The following RASGRF1 variants were observed in gnomAD, a reference collection of about 807,000 sequenced individuals.
The protein encoded by RASGRF1 is ras-specific guanine nucleotide-releasing factor 1.
Under a neutral mutation model 138.7 loss-of-function variants are expected in RASGRF1, and 40 were observed. That is an observed-to-expected ratio of 0.29 (90% CI 0.22 to 0.38). The LOEUF (loss-of-function observed/expected upper bound fraction) is 0.38. RASGRF1 is among the 10% of genes least tolerant of loss of function. The pLI is 1.00. For missense variants in RASGRF1, 1,108 were observed against 1,650.4 expected, an observed-to-expected ratio of 0.67 and a Z score of 5.69; for synonymous variants, 614 against 663.2, an observed-to-expected ratio of 0.93 and a Z score of 1.14.
At chr15:79,048,402 G>A (rs144581925) in intron 4 of RASGRF1, among the ~76,000 whole-genome samples, 1 of 152,250 alleles carries the variant, frequency 6.6e-6, no homozygotes, top group East Asian at 1.9e-4. Flanking sequence ...TGGCCGCCAG[G>A]GTTTGAATGT....
chr15:79,062,719 T>G (rs1485473823), intron 2 of RASGRF1, among the ~76,000 whole-genome samples: 1 of 152,008 alleles, frequency 6.6e-6, no homozygotes, highest in Non-Finnish European at 1.5e-5. Context: ...AATTTTTGTA[T>G]TTTTAGTAGA....
At chr15:79,061,504 T>A (rs1450958092) in intron 2 of RASGRF1, among the ~76,000 whole-genome samples, 2 of 150,368 alleles carry the variant, frequency 1.3e-5, no homozygotes, top group East Asian at 1.9e-4. Flanking sequence ...GTTTGATCAG[T>A]TTTGATAAAC....
chr15:78,962,607 G>T (rs2141579635), intron 26 of RASGRF1, among the ~76,000 whole-genome samples: 1 of 152,322 alleles, frequency 6.6e-6, no homozygotes, highest in African/African-American at 2.4e-5. Context: ...ATAAGGCTGG[G>T]CGTGGTGGCT....
chr15:79,061,981 G>C (rs1395946808), intron 2 of RASGRF1, among the ~76,000 whole-genome samples: 1 of 152,156 alleles, frequency 6.6e-6, no homozygotes, highest in African/African-American at 2.4e-5. Flanking sequence ...CAACTGCCTT[G>C]CAATTTTCCA....
chr15:79,060,306 A>AGG (rs1384111974), intron 2 of RASGRF1, among the ~76,000 whole-genome samples: 3 of 152,202 alleles, frequency 2.0e-5, no homozygotes, highest in Admixed American at 1.3e-4. Context: ...CCCAGACCCC[A>AGG]GGGCTTGACA....
In RASGRF1 at chr15:79,003,312, T is replaced by C. The variant is rs572707208; in HGVS notation, c.2449+490A>G. Among the ~76,000 whole-genome samples, 58 of 152,352 alleles carry C rather than the reference T, an allele frequency of 3.8e-4. No homozygotes were observed. The South Asian group carries it at 7.0e-3, about 18-fold the overall frequency. ...GTTCCCACCCCAACCTCTGTGCCCCTGGAGCATCCTCCTGACACAAGCCAT... is the reference window on the plus strand; with the variant it reads ...GTTCCCACCCCAACCTCTGTGCCCCCGGAGCATCCTCCTGACACAAGCCAT... On this transcript the variant is annotated intron_variant, in intron 15 of 26. Transcript: ENST00000558480.
intron 26 of RASGRF1, among the ~76,000 whole-genome samples, chr15:78,965,604 A>T (rs1167995638): frequency 6.6e-6 from 1 of 152,198 alleles, no homozygotes; most frequent in African/African-American, 2.4e-5. Context: ...TAATCCCAGC[A>T]CTTTGGGAGG....
At chr15:79,054,959 T>C (rs1038306088) in intron 3 of RASGRF1, among the ~76,000 whole-genome samples, 1 of 152,098 alleles carries the variant, frequency 6.6e-6, no homozygotes, top group Non-Finnish European at 1.5e-5. Context: ...TATTTGGCCA[T>C]CAGAAGAGAG....
intron 3 of RASGRF1, among the ~76,000 whole-genome samples, chr15:79,049,926 G>A (rs1319324595): frequency 6.6e-6 from 1 of 152,122 alleles, no homozygotes; most frequent in Non-Finnish European, 1.5e-5. Flanking sequence ...CTAAATCTGT[G>A]GTTCTCCTCC....
In RASGRF1 at chr15:78,973,188, T is replaced by C; in HGVS notation, c.3612+115A>G. The C allele has an allele frequency of 1.3e-6, 1 of 789,672 alleles. No individual in the cohort carries two copies. Among genetic ancestry groups the C allele is most frequent in the Non-Finnish European group, 2.0e-6 (1 of 490,138 alleles). The allele number at this position is 789,672 out of a possible 1,614,324, so 48.9% of individuals were successfully genotyped here. On this transcript the variant is annotated intron_variant, in intron 25 of 26. Coordinates refer to ENST00000558480, the MANE Select transcript of RASGRF1 (RefSeq NM_001145648.3). The surrounding 1 kb of genome is among the most constrained non-coding windows in gnomAD (Gnocchi z 4.9). ...GGGAAGCTGGACCCAGGCTCCCAAA[T>C]GGGGGCACCCTATGCAGCAGGTTGG... is the stretch of plus-strand genomic sequence containing the variant.
At chr15:79,003,772 G>C (rs1308313635) in intron 15 of RASGRF1, 30 bp downstream of exon 15, 1 of 1,553,954 alleles carries the variant, frequency 6.4e-7, no homozygotes, top group African/African-American at 1.4e-5. Context: ...TGGGAGGCTG[G>C]GGGGCAGCTC....
rs2057081007 is a variant in RASGRF1 at position 79,027,799 on chromosome 15, G to T, written c.1323C>A (p.Arg441=). ...ENIRKNLAIE[R]MIIEGCEILL... Reference sequence around the variant, plus strand: ...GGATCTCACAGCCTTCGATGATCATGCGCTCGATGGCCAGGTTTTTCCGGA... The same window carrying T: ...GGATCTCACAGCCTTCGATGATCATTCGCTCGATGGCCAGGTTTTTCCGGA... Residue 441 remains arginine, a synonymous_variant, in exon 9 of 27, where the codon CGC becomes CGA. Coordinates refer to ENST00000558480, the MANE Select transcript of RASGRF1 (RefSeq NM_001145648.3). The surrounding 1 kb of genome is among the most constrained non-coding windows in gnomAD (Gnocchi z 4.8). The T allele has an allele frequency of 1.2e-6, 2 of 1,614,230 alleles. No individual in the cohort carries two copies. The highest frequency in any genetic ancestry group is 1.7e-6 in the Non-Finnish European group (2 of 1,180,048).
chr15:79,081,544 T>C lies in RASGRF1; in HGVS notation c.276+8679A>G, dbSNP rs189480639. 1.1e-4 allele frequency among the ~76,000 whole-genome samples: 16 copies of C among 152,332 alleles called. No homozygotes were observed. In the East Asian group the frequency reaches 2.9e-3, roughly 28 times the overall value. ...CTTTGTGACATAGCACACAGGCTTT[T>C]AGGGCAGCTTTGGTGTCCCCTGCAA... is the stretch of plus-strand genomic sequence containing the variant. On this transcript the variant is annotated intron_variant, in intron 1 of 26. Transcript: ENST00000558480.
At chr15:78,968,420 C>T (rs2055687738) in intron 26 of RASGRF1, among the ~76,000 whole-genome samples, 1 of 151,932 alleles carries the variant, frequency 6.6e-6, no homozygotes, top group African/African-American at 2.4e-5. Flanking sequence ...TACAGGCGTG[C>T]ACCACCATGC....
chr15:79,005,421 C>T (rs1305850756), intron 14 of RASGRF1: 4 of 985,190 alleles, frequency 4.1e-6, no homozygotes, highest in East Asian at 2.3e-4. Context: ...GCCTCTGAGC[C>T]TCTGAGGGCT....
intron 24 of RASGRF1, among the ~76,000 whole-genome samples, chr15:78,976,870 C>A (rs189087625): frequency 1.8e-4 from 27 of 152,346 alleles, no homozygotes; most frequent in Non-Finnish European, 2.6e-4. Flanking sequence ...CCTCTTCTGG[C>A]AGAGCCCTCA....
chr15:79,077,680 C>T (rs1008080583), intron 1 of RASGRF1, among the ~76,000 whole-genome samples: 4 of 152,240 alleles, frequency 2.6e-5, no homozygotes, highest in Admixed American at 6.5e-5. Flanking sequence ...CTCCTCTTCC[C>T]GCTGTGTAAC....
At position 79,006,186 on chromosome 15, in the gene RASGRF1, C is replaced by T; in HGVS notation, c.2075G>A (p.Arg692Lys). The change falls in exon 14 of 27, where the codon AGG (arginine) becomes AAG (lysine). Residue 692 changes from arginine (R) to lysine (K), a missense_variant and splice_region_variant. Arg to Lys is a conservative substitution (Grantham distance 26). Around this residue, in one of 3 missense-constraint regions of RASGRF1, gnomAD observed 686 missense variants for 976.7 expected, o/e 0.70. Coordinates refer to ENST00000558480, the MANE Select transcript of RASGRF1 (RefSeq NM_001145648.3). The surrounding 1 kb of genome is among the most constrained non-coding windows in gnomAD (Gnocchi z 4.0). ...GGGAGGAGGAGGGCACCTCAGCCAC[C>T]TGGCAGGAATGGCACTGATAGGCTT... is the stretch of plus-strand genomic sequence containing the variant. ...YKKPISAIPARSLELLFASGQ... is the reference protein window; with the variant it reads ...YKKPISAIPAKSLELLFASGQ... 3.7e-6 allele frequency: 6 copies of T among 1,614,102 alleles called. No individual in the cohort carries two copies. Among genetic ancestry groups the T allele is most frequent in the Non-Finnish European group, 5.1e-6 (6 of 1,179,978 alleles).
intron 24 of RASGRF1, among the ~76,000 whole-genome samples, chr15:78,977,227 C>T (rs1294622528): frequency 6.6e-6 from 1 of 152,186 alleles, no homozygotes; most frequent in Non-Finnish European, 1.5e-5. Context: ...ACTGCCCTGG[C>T]TGTGGGATGG....
Sources: allele counts gnomAD v4.1 joint callset (sites outside exome capture counted in the v4.1 genomes callset), GRCh38; gene constraint gnomAD v4.1.1; regional missense constraint gnomAD v4.1.1; non-coding constraint Gnocchi (gnomAD v3.1); transcripts MANE v1.5; gene names NCBI Gene and HGNC (gene_info 2026-07-23, HGNC 2026-07-21).